Variants in MED13L observed in about 807,000 individuals in gnomAD.
The protein encoded by MED13L is mediator complex subunit 13L.
MED13L carries 7 observed loss-of-function variants against 220.9 expected under a neutral mutation model. The ratio of observed to expected loss-of-function variants is 0.03; its 90% CI spans 0.02 to 0.06. MED13L has a LOEUF of 0.06. Among genes scored for constraint, MED13L ranks in the 10% least tolerant of loss-of-function variants. The pLI is 1.00. For synonymous variants in MED13L, 1,011 were observed against 1,015.2 expected (o/e 1.00, Z 0.08); for missense variants, 1,965 against 2,760.5 (o/e 0.71, Z 6.46).
intron 11 of MED13L, 69 bp downstream of exon 11, chr12:116,007,341 TC>T: frequency 1.4e-6 from 2 of 1,427,236 alleles, no homozygotes; most frequent in Non-Finnish European, 2.0e-6. Flanking sequence ...TCCAAAGTCT[TC>T]CCACACATGT....
intron 2 of MED13L, among the ~76,000 whole-genome samples, chr12:116,154,921 G>T (rs953230033): frequency 3.3e-5 from 5 of 152,066 alleles, no homozygotes; most frequent in Non-Finnish European, 7.4e-5. Context: ...CTGCCTCCCA[G>T]GTTTAAGCAA....
At chr12:116,193,736 G>GA (rs1305268150) in intron 2 of MED13L, among the ~76,000 whole-genome samples, 1 of 151,968 alleles carries the variant, frequency 6.6e-6, no homozygotes, top group East Asian at 1.9e-4. Flanking sequence ...ACAAAGAAAT[G>GA]AAAACCACAT....
chr12:116,257,801 T>G (rs1437352058), intron 1 of MED13L, among the ~76,000 whole-genome samples: 2 of 152,220 alleles, frequency 1.3e-5, no homozygotes, highest in Non-Finnish European at 2.9e-5. Flanking sequence ...GTAGGTTTTT[T>G]AACCTTGCCC....
At chr12:115,979,345 T>TA in intron 23 of MED13L, among the ~76,000 whole-genome samples, 1 of 152,338 alleles carries the variant, frequency 6.6e-6, no homozygotes, top group Non-Finnish European at 1.5e-5. Flanking sequence ...CAATAATTCA[T>TA]AATTTCTGGA....
chr12:115,985,776 T>C (rs554769808), intron 19 of MED13L, among the ~76,000 whole-genome samples: 1 of 152,214 alleles, frequency 6.6e-6, no homozygotes, highest in Non-Finnish European at 1.5e-5. Flanking sequence ...AGATGTCATG[T>C]TAAAACACAA....
intron 2 of MED13L, among the ~76,000 whole-genome samples, chr12:116,118,578 C>T (rs902520556): frequency 6.6e-6 from 1 of 152,196 alleles, no homozygotes; most frequent in Admixed American, 6.5e-5. Flanking sequence ...AATTTACTAT[C>T]ACTAACAAAT....
chr12:116,163,675 T>C (rs757353098), intron 2 of MED13L, among the ~76,000 whole-genome samples: 2 of 152,166 alleles, frequency 1.3e-5, no homozygotes, highest in Non-Finnish European at 2.9e-5. Context: ...TTTAAGTGTA[T>C]TGAAAAGGGT....
intron 1 of MED13L, among the ~76,000 whole-genome samples, chr12:116,244,026 T>C (rs1204530008): frequency 2.6e-5 from 4 of 152,194 alleles, no homozygotes; most frequent in African/African-American, 7.2e-5. Context: ...CAGGAAACTA[T>C]TGAAAGAGTC....
intron 17 of MED13L, among the ~76,000 whole-genome samples, 155 bp from the exon 18 acceptor site, chr12:115,987,443 T>A (rs1305115773): frequency 6.6e-6 from 1 of 152,200 alleles, no homozygotes; most frequent in Non-Finnish European, 1.5e-5. Context: ...AGGAAAGATA[T>A]TCTTCTACTA....
chr12:116,208,269 C>T (rs1196818394), intron 2 of MED13L, among the ~76,000 whole-genome samples: 2 of 152,102 alleles, frequency 1.3e-5, no homozygotes, highest in Non-Finnish European at 2.9e-5. Context: ...TGGTGGTGGG[C>T]GCCTGTAATC....
Position 116,277,302 on chromosome 12 carries a change from C to T in MED13L, c.-171G>A. On this transcript the variant is annotated 5_prime_UTR_variant, in exon 1 of 31. Coordinates refer to ENST00000281928, the MANE Select transcript of MED13L (RefSeq NM_015335.5). Reference sequence around the variant, plus strand: ...GCAGGCGGGAGGCGCCGCGGCGACGCCGCGCCGGGGGCAGCGGGCCCGGGC... The same window carrying T: ...GCAGGCGGGAGGCGCCGCGGCGACGTCGCGCCGGGGGCAGCGGGCCCGGGC... 6.7e-6 allele frequency: 1 copy of T among 149,484 alleles called. No individual in the cohort carries two copies. The highest frequency in any genetic ancestry group is 1.5e-5 in the Non-Finnish European group (1 of 68,226). The allele number at this position is 149,484 out of a possible 1,614,324, so 9.3% of individuals were successfully genotyped here. A position where few individuals can be genotyped will look rare whatever the true frequency, so the allele number is the denominator to read the frequency against.
chr12:116,149,605 T>C (rs908459148), intron 2 of MED13L, among the ~76,000 whole-genome samples: 2 of 152,244 alleles, frequency 1.3e-5, no homozygotes, highest in East Asian at 3.8e-4. Context: ...AGAAGAGTTT[T>C]ACATTTCACC....
rs906661636 is a variant in MED13L, at chr12:116,019,116, T to A, written c.1009+108A>T. The A allele has an allele frequency of 7.4e-6, 8 of 1,081,754 alleles. No individual in the cohort carries two copies. In the South Asian group the frequency reaches 8.1e-5, roughly 11 times the overall value. The allele number at this position is 1,081,754 out of a possible 1,614,324, so 67.0% of individuals were successfully genotyped here. A position where few individuals can be genotyped will look rare whatever the true frequency, so the allele number is the denominator to read the frequency against. ...AATATCCTTACGTTACTCTACTACC[T>A]CCATCTCTTCCAACAGGAATTTCTG... On this transcript the variant is annotated intron_variant, in intron 7 of 30. Transcript: ENST00000281928.
At chr12:116,260,088 G>A (rs1426255634) in intron 1 of MED13L, among the ~76,000 whole-genome samples, 1 of 152,088 alleles carries the variant, frequency 6.6e-6, no homozygotes, top group Non-Finnish European at 1.5e-5. Context: ...TTCATTTCTT[G>A]GAAGTTGTAT....
At chr12:116,060,654 C>T (rs1403530412) in intron 4 of MED13L, among the ~76,000 whole-genome samples, 1 of 150,088 alleles carries the variant, frequency 6.7e-6, no homozygotes. Context: ...TTTCACATTA[C>T]AATTAACTGA....
Position 115,997,136 on chromosome 12 carries a change from G to A in MED13L, c.2664C>T (p.Ser888=). Residue 888 remains serine, a synonymous_variant, in exon 15 of 31, where the codon AGC becomes AGT. Coordinates refer to ENST00000281928, the MANE Select transcript of MED13L (RefSeq NM_015335.5). Reference sequence around the variant, plus strand: ...TGCCTAATGCTGTCACTGTCTCTGAGCTGATCCCATCTTTATAATTCATCA... The same window carrying A: ...TGCCTAATGCTGTCACTGTCTCTGAACTGATCCCATCTTTATAATTCATCA... ...SPVMNYKDGI[S]SETVTALGMM... is the part of the protein sequence containing the mutation. 1 of 1,614,070 alleles carries A rather than the reference G, an allele frequency of 6.2e-7. No individual in the cohort carries two copies. The highest frequency in any genetic ancestry group is 8.5e-7 in the Non-Finnish European group (1 of 1,179,948).
chr12:115,963,044 A>T (rs1875878496), intron 30 of MED13L, among the ~76,000 whole-genome samples: 1 of 152,144 alleles, frequency 6.6e-6, no homozygotes, highest in African/African-American at 2.4e-5. Context: ...AAAATACATA[A>T]TCTATCTCAG....
chr12:116,240,760 C>A (rs1870556401), intron 1 of MED13L, among the ~76,000 whole-genome samples: 1 of 151,504 alleles, frequency 6.6e-6, no homozygotes, highest in Non-Finnish European at 1.5e-5. Flanking sequence ...ATCTCCTGAC[C>A]TCGTGACCCG....
At chr12:116,048,086 T>C (rs954037598) in intron 4 of MED13L, among the ~76,000 whole-genome samples, 3 of 152,100 alleles carry the variant, frequency 2.0e-5, no homozygotes, top group Non-Finnish European at 4.4e-5. Flanking sequence ...AACTACACCA[T>C]GCCCAGCAAC....
Sources: gnomAD v4.1 joint callset for allele counts (sites outside exome capture counted in the v4.1 genomes callset) on GRCh38, gnomAD v4.1.1 for gene constraint, MANE v1.5 for transcripts, NCBI Gene and HGNC (gene_info 2026-07-23, HGNC 2026-07-21) for gene names.